Variants in STK32B observed in about 807,000 individuals in gnomAD.
STK32B encodes serine/threonine kinase 32B, also known as serine/threonine-protein kinase 32B.
Under a neutral mutation model 52.6 loss-of-function variants are expected in STK32B, and 43 were observed. That is an observed-to-expected ratio of 0.82 (90% CI 0.64 to 1.05). The LOEUF (loss-of-function observed/expected upper bound fraction) is 1.05. Among genes scored for constraint, STK32B ranks in the 50% least tolerant of loss-of-function variants. The pLI is 0.00. For missense variants in STK32B, 621 were observed against 534.6 expected (o/e 1.16, Z -1.59); for synonymous variants, 238 against 204.3 (o/e 1.17, Z -1.41).
At chr4:5,104,817 G>A (rs1714009840) in intron 1 of STK32B, among the ~76,000 whole-genome samples, 1 of 152,138 alleles carries the variant, frequency 6.6e-6, no homozygotes, top group Non-Finnish European at 1.5e-5. Context: ...CAACGTGTTT[G>A]TAATGTTCAT....
rs1001312885 is a variant in STK32B, at chr4:5,464,865, C to CGAAT, written c.910-1823_910-1820dup. Reference sequence around the variant, plus strand: ...AAGGCAGAGCCTGCATATTTATGAACGAATGAATGAATGAATGAGTGGCAG... The same window carrying CGAAT: ...AAGGCAGAGCCTGCATATTTATGAACGAATGAATGAATGAATGAATGAGTGGCAG... On this transcript the variant is annotated intron_variant, in intron 9 of 11. Transcript: ENST00000282908. Among the ~76,000 whole-genome samples the CGAAT allele has an allele frequency of 4.6e-5, 7 of 152,066 alleles. No individual in the cohort carries two copies. In the East Asian group the frequency reaches 5.8e-4, roughly 13 times the overall value.
At chr4:5,343,355 G>A (rs1007136994) in intron 4 of STK32B, among the ~76,000 whole-genome samples, 15 of 152,052 alleles carry the variant, frequency 9.9e-5, no homozygotes, top group Non-Finnish European at 1.9e-4. Flanking sequence ...ATCATTGTTG[G>A]ACATTTGGGT....
intron 9 of STK32B, among the ~76,000 whole-genome samples, chr4:5,463,974 A>G (rs1191187316): frequency 6.6e-6 from 1 of 152,202 alleles, no homozygotes; most frequent in Non-Finnish European, 1.5e-5. Flanking sequence ...ACTGGCTTAC[A>G]GTCCTGCGGG....
chr4:5,025,228 G>T, the STK32B span, among the ~76,000 whole-genome samples: 391 of 152,208 alleles, frequency 2.6e-3, 3 homozygotes, highest in African/African-American at 9.0e-3. Context: ...GGAACCTTTT[G>T]TTGGGGCTCC....
intron 3 of STK32B, among the ~76,000 whole-genome samples, chr4:5,169,924 CTG>C (rs1049554836): frequency 2.6e-5 from 4 of 152,058 alleles, no homozygotes; most frequent in East Asian, 1.9e-4. Flanking sequence ...TGACATATAA[CTG>C]TATGTGTTAT....
At chr4:5,459,978 G>A in intron 8 of STK32B, 125 bp from the exon 9 acceptor site, 1 of 1,398,216 alleles carries the variant, frequency 7.2e-7, no homozygotes. Flanking sequence ...CCCAGACGGG[G>A]CACAACATCA....
intron 3 of STK32B, among the ~76,000 whole-genome samples, chr4:5,211,606 G>C (rs1722908194): frequency 6.6e-6 from 1 of 152,128 alleles, no homozygotes; most frequent in Non-Finnish European, 1.5e-5. Context: ...TTATTTGCTT[G>C]CGGAATAAGA....
intron 1 of STK32B, among the ~76,000 whole-genome samples, chr4:5,085,359 G>A (rs914400135): frequency 6.6e-6 from 1 of 152,170 alleles, no homozygotes; most frequent in African/African-American, 2.4e-5. Flanking sequence ...AAGCTGAATA[G>A]GATTGACAAT....
intron 3 of STK32B, among the ~76,000 whole-genome samples, chr4:5,284,795 C>A (rs1728441691): frequency 6.6e-6 from 1 of 152,132 alleles, no homozygotes. Context: ...TTGCGTATCA[C>A]AGAAAAAGTG....
At position 5,409,070 on chromosome 4, in the gene STK32B, C is replaced by A. The variant is rs1015478030; in HGVS notation, c.473-7775C>A. On this transcript the variant is annotated intron_variant, in intron 5 of 11. Transcript: ENST00000282908. ...ATGGGATGACTAGACAATGTTCAGA[C>A]AGGCCCTGCCCCAGCGAACTCCTCC... 4.6e-5 allele frequency among the ~76,000 whole-genome samples: 7 copies of A among 152,142 alleles called. 1 individual carries two copies. The highest frequency in any genetic ancestry group is 1.7e-4 in the African/African-American group (7 of 41,400).
At chr4:5,401,071 C>A (rs964987233) in intron 5 of STK32B, among the ~76,000 whole-genome samples, 12 of 152,078 alleles carry the variant, frequency 7.9e-5, no homozygotes. Context: ...GACAGTGGGG[C>A]AGAACTGCAG....
Position 5,168,372 on chromosome 4 carries a change from A to T in STK32B, c.182A>T (p.Glu61Val). The change falls in exon 3 of 12, where the codon GAG (glutamate) becomes GTG (valine). Residue 61 changes from glutamate to valine, a missense_variant. Glu to Val is a moderately radical substitution (Grantham distance 121, BLOSUM62 -2). Transcript: ENST00000282908. ...TACATGAACAAGCAGAAGTGCATCG[A>T]GAGGGATGAGGTTCGGAATGTTTTC... is the stretch of plus-strand genomic sequence containing the variant. ...MKYMNKQKCI[E>V]RDEVRNVFRE... 1 of 1,613,894 alleles carries T rather than the reference A, an allele frequency of 6.2e-7. No homozygotes were observed. Among genetic ancestry groups the T allele is most frequent in the Admixed American group, 1.7e-5 (1 of 60,000 alleles).
At chr4:5,455,125 G>A (rs1281854458) in intron 7 of STK32B, among the ~76,000 whole-genome samples, 1 of 151,756 alleles carries the variant, frequency 6.6e-6, no homozygotes, top group Non-Finnish European at 1.5e-5. Flanking sequence ...GCACCCCTGA[G>A]GGCCAACATC....
At chr4:5,164,793 C>G (rs184097201) in intron 2 of STK32B, among the ~76,000 whole-genome samples, 10 of 152,346 alleles carry the variant, frequency 6.6e-5, no homozygotes, top group Admixed American at 1.3e-4. Context: ...CTCAAACTCT[C>G]TGTGACTCTG....
intron 1 of STK32B, among the ~76,000 whole-genome samples, chr4:5,076,204 G>A (rs1047630932): frequency 2.0e-5 from 3 of 152,196 alleles, no homozygotes; most frequent in South Asian, 2.1e-4. Flanking sequence ...ACGAAGAGTC[G>A]ATGGCATCCA....
chr4:5,429,634 T>A (rs542832181), intron 6 of STK32B, among the ~76,000 whole-genome samples: 13 of 152,128 alleles, frequency 8.5e-5, no homozygotes, highest in African/African-American at 2.9e-4. Context: ...AAAAAAACTT[T>A]GCATTTACCT....
intron 4 of STK32B, among the ~76,000 whole-genome samples, chr4:5,365,638 G>A (rs6823666): frequency 0.05 from 7,640 of 152,224 alleles, 296 homozygotes; most frequent in African/African-American, 0.1. Flanking sequence ...AACCCCACCA[G>A]TTGCATGAAA....
chr4:5,422,506 A>G (rs1712728582), intron 6 of STK32B, among the ~76,000 whole-genome samples: 1 of 152,190 alleles, frequency 6.6e-6, no homozygotes, highest in Non-Finnish European at 1.5e-5. Flanking sequence ...AGCAGATGGA[A>G]TTTGCAATTG....
At chr4:5,167,416 A>G (rs749056670) in intron 2 of STK32B, among the ~76,000 whole-genome samples, 6 of 152,090 alleles carry the variant, frequency 3.9e-5, no homozygotes, top group Non-Finnish European at 8.8e-5. Flanking sequence ...AAAGTGCTCA[A>G]TACAGGACCA....
Sources: gnomAD v4.1 joint callset for allele counts (sites outside exome capture counted in the v4.1 genomes callset) on GRCh38, gnomAD v4.1.1 for gene constraint, MANE v1.5 for transcripts, NCBI Gene and HGNC (gene_info 2026-07-23, HGNC 2026-07-21) for gene names.